The following BABAM2 variants were observed in gnomAD, a reference collection of about 807,000 sequenced individuals.
BABAM2 encodes the protein BRISC and BRCA1 A complex member 2.
Under a neutral mutation model 54.7 loss-of-function variants are expected in BABAM2, and 31 were observed. That is an observed-to-expected ratio of 0.57 (90% CI 0.43 to 0.77). The LOEUF is 0.77. BABAM2 is among the 30% of genes least tolerant of loss of function. BABAM2 has a pLI of 0.00. For synonymous variants in BABAM2, 167 were observed against 162.9 expected (o/e 1.03, Z -0.19); for missense variants, 364 against 455.8 (o/e 0.80, Z 1.83).
chr2:28,317,335 G>A (rs1019716276), intron 11 of BABAM2, among the ~76,000 whole-genome samples: 3 of 152,162 alleles, frequency 2.0e-5, no homozygotes, highest in Admixed American at 2.0e-4. Flanking sequence ...AAACAAAGCA[G>A]GGCGTAGGTT....
intron 7 of BABAM2, among the ~76,000 whole-genome samples, chr2:28,134,164 C>G (rs1276155896): frequency 8.6e-6 from 1 of 115,708 alleles, no homozygotes; most frequent in Non-Finnish European, 1.6e-5. Flanking sequence ...CGAGTAAGTT[C>G]TGTTAATTAA....
At chr2:28,330,631 T>G (rs1028258063) in intron 11 of BABAM2, among the ~76,000 whole-genome samples, 3 of 152,194 alleles carry the variant, frequency 2.0e-5, no homozygotes, top group African/African-American at 7.2e-5. Flanking sequence ...ACAAGGTATG[T>G]GAAGGACCTC....
chr2:28,151,679 A>ACTTT (rs1423091647), intron 7 of BABAM2, among the ~76,000 whole-genome samples: 2 of 151,874 alleles, frequency 1.3e-5, no homozygotes, highest in Non-Finnish European at 1.5e-5. Context: ...AATTACTAAT[A>ACTTT]CAAGCATGAG....
At chr2:28,223,507 T>TG (rs1282459447) in intron 7 of BABAM2, among the ~76,000 whole-genome samples, 1 of 152,234 alleles carries the variant, frequency 6.6e-6, no homozygotes, top group Admixed American at 6.5e-5. Context: ...AAACTGGCTC[T>TG]GCCCTTCTTC....
At chr2:28,278,308 A>G (rs894184270) in intron 10 of BABAM2, among the ~76,000 whole-genome samples, 2 of 152,162 alleles carry the variant, frequency 1.3e-5, no homozygotes, top group Non-Finnish European at 2.9e-5. Context: ...CTGGGGTTTG[A>G]TAAACCACTT....
At chr2:28,141,244 T>G (rs1671028639) in intron 7 of BABAM2, among the ~76,000 whole-genome samples, 2 of 152,138 alleles carry the variant, frequency 1.3e-5, no homozygotes, top group Non-Finnish European at 2.9e-5. Flanking sequence ...ACAGAGCATT[T>G]ATTCAGTCTT....
intron 3 of BABAM2, among the ~76,000 whole-genome samples, chr2:27,957,961 A>G (rs1383063891): frequency 6.6e-6 from 1 of 152,192 alleles, no homozygotes; most frequent in Admixed American, 6.5e-5. Flanking sequence ...GCCAAACTAC[A>G]TGAAGAGGCC....
chr2:27,897,778 C>A (rs1258812066), intron 2 of BABAM2, among the ~76,000 whole-genome samples: 1 of 152,076 alleles, frequency 6.6e-6, no homozygotes, highest in Non-Finnish European at 1.5e-5. Flanking sequence ...ATATAGGATT[C>A]ATTCAGTCTG....
At chr2:28,002,001 T>C (rs1310744562) in intron 4 of BABAM2, among the ~76,000 whole-genome samples, 1 of 148,356 alleles carries the variant, frequency 6.7e-6, no homozygotes, top group African/African-American at 2.5e-5. Context: ...AATCACATGA[T>C]GAATTGTAGC....
At chr2:28,266,087 T>G (rs1381189296) in intron 10 of BABAM2, among the ~76,000 whole-genome samples, 1 of 152,062 alleles carries the variant, frequency 6.6e-6, no homozygotes, top group Non-Finnish European at 1.5e-5. Flanking sequence ...TGGATTCAAG[T>G]GATTCTCATG....
intron 10 of BABAM2, among the ~76,000 whole-genome samples, chr2:28,255,531 T>G (rs1303955960): frequency 6.6e-6 from 1 of 152,186 alleles, no homozygotes; most frequent in African/African-American, 2.4e-5. Flanking sequence ...CACCTTGGCC[T>G]GCCAAAGTGC....
intron 3 of BABAM2, among the ~76,000 whole-genome samples, chr2:27,958,052 C>G (rs72812510): frequency 0.08 from 12,116 of 152,128 alleles, 741 homozygotes; most frequent in African/African-American, 0.16. Context: ...AAATTGTGTT[C>G]GGCCTTTCAA....
chr2:27,910,802 G>A (rs1666525675), intron 2 of BABAM2, among the ~76,000 whole-genome samples: 9 of 152,090 alleles, frequency 5.9e-5, no homozygotes. Context: ...TGTGTAACAT[G>A]CCACGGTTTA....
intron 7 of BABAM2, among the ~76,000 whole-genome samples, chr2:28,167,204 A>G (rs1573733777): frequency 1.3e-5 from 2 of 152,322 alleles, no homozygotes; most frequent in South Asian, 4.1e-4. Context: ...GAATACTTGC[A>G]CCGTCACTAG....
At chr2:28,261,075 G>T (rs1573954182) in intron 10 of BABAM2, among the ~76,000 whole-genome samples, 1 of 149,274 alleles carries the variant, frequency 6.7e-6, no homozygotes. Flanking sequence ...CCAAATACCT[G>T]GTATTACAGG....
At chr2:28,044,388 C>T (rs1677388558) in intron 5 of BABAM2, among the ~76,000 whole-genome samples, 1 of 152,142 alleles carries the variant, frequency 6.6e-6, no homozygotes, top group South Asian at 2.1e-4. Flanking sequence ...TGCCACCACG[C>T]CCGGCTAATT....
chr2:28,165,147 G>A (rs960385670), intron 7 of BABAM2, among the ~76,000 whole-genome samples: 1 of 152,150 alleles, frequency 6.6e-6, no homozygotes, highest in African/African-American at 2.4e-5. Flanking sequence ...AGTGTACTGC[G>A]GGAGAAAGAC....
At chr2:28,031,019 G>A (rs551080223) in intron 5 of BABAM2, among the ~76,000 whole-genome samples, 2 of 152,280 alleles carry the variant, frequency 1.3e-5, no homozygotes, top group East Asian at 3.9e-4. Flanking sequence ...ATTAAGTTCA[G>A]ATCTTTAAGT....
intron 6 of BABAM2, among the ~76,000 whole-genome samples, chr2:28,096,000 G>A (rs1263881831): frequency 1.3e-5 from 2 of 152,172 alleles, no homozygotes; most frequent in South Asian, 2.1e-4. Flanking sequence ...CAAACATTAA[G>A]TAGTTGAATT....
Sources: gnomAD v4.1 joint callset for allele counts (sites outside exome capture counted in the v4.1 genomes callset) on GRCh38, gnomAD v4.1.1 for gene constraint, MANE v1.5 for transcripts, NCBI Gene and HGNC (gene_info 2026-07-23, HGNC 2026-07-21) for gene names.